Variants in HOMER2 observed in about 807,000 individuals in gnomAD.
HOMER2 encodes the protein homer protein homolog 2.
HOMER2 carries 27 observed loss-of-function variants against 47.0 expected under a neutral mutation model. The ratio of observed to expected loss-of-function variants is 0.57; its 90% confidence interval spans 0.42 to 0.79. HOMER2 has a LOEUF of 0.79. Among genes scored for constraint, HOMER2 ranks in the 30% least tolerant of loss-of-function variants. The pLI is 0.00. For synonymous variants in HOMER2, 161 were observed against 163.8 expected, an observed-to-expected ratio of 0.98 and a Z score of 0.13; for missense variants, 443 against 435.0, an observed-to-expected ratio of 1.02 and a Z score of -0.16.
At chr15:82,844,722 T>C (rs1263320221), downstream of HOMER2, 2 of 152,196 alleles carry the variant, frequency 1.3e-5, no homozygotes, top group Non-Finnish European at 2.9e-5. Flanking sequence ...AAAACAGTAC[T>C]CTTGGGAGAG....
At chr15:82,934,677 C>G (rs2054101076) in intron 1 of HOMER2, among the ~76,000 whole-genome samples, 1 of 152,174 alleles carries the variant, frequency 6.6e-6, no homozygotes, top group South Asian at 2.1e-4. Flanking sequence ...CCTGGCCGAA[C>G]CCCAGCCTGA....
chr15:82,929,264 C>A (rs2053942208), intron 1 of HOMER2, among the ~76,000 whole-genome samples: 1 of 152,110 alleles, frequency 6.6e-6, no homozygotes, highest in East Asian at 1.9e-4. Flanking sequence ...CTGAGAAACT[C>A]TGCTGAAACC....
At chr15:82,952,169 T>C in intron 1 of HOMER2, 2 of 464,918 alleles carry the variant, frequency 4.3e-6, no homozygotes, top group Non-Finnish European at 5.6e-6. Context: ...GACAAACTGC[T>C]TAGACTCACA....
chr15:82,972,327 C>T (rs771571554), intron 1 of HOMER2, among the ~76,000 whole-genome samples: 60 of 152,290 alleles, frequency 3.9e-4, no homozygotes, highest in Non-Finnish European at 7.6e-4. Context: ...GGGTGCCCTT[C>T]TGGCTAAGAA....
At chr15:82,970,678 G>A (rs1596388177) in intron 1 of HOMER2, among the ~76,000 whole-genome samples, 2 of 152,288 alleles carry the variant, frequency 1.3e-5, no homozygotes, top group African/African-American at 2.4e-5. Flanking sequence ...CAAACAAAAC[G>A]AAGTAGATTG....
At chr15:82,952,832 G>T, upstream of HOMER2, 1 of 466,720 alleles carries the variant, frequency 2.1e-6, no homozygotes, top group Non-Finnish European at 2.8e-6. Context: ...CCGCGGCAGC[G>T]AGCCAAGAGG....
chr15:82,983,834 C>T, intron 1 of HOMER2, among the ~76,000 whole-genome samples: 1 of 151,824 alleles, frequency 6.6e-6, no homozygotes, highest in South Asian at 2.1e-4. Flanking sequence ...TCAAGTGATC[C>T]GCCTGCCTCG....
At chr15:82,897,517 T>A (rs2052974065) in intron 1 of HOMER2, among the ~76,000 whole-genome samples, 1 of 152,148 alleles carries the variant, frequency 6.6e-6, no homozygotes, top group African/African-American at 2.4e-5. Context: ...TGGAATCCCC[T>A]CCTCTTGAGT....
chr15:82,850,906 C>G (rs1368967313), intron 8 of HOMER2, among the ~76,000 whole-genome samples: 2 of 152,250 alleles, frequency 1.3e-5, no homozygotes, highest in Non-Finnish European at 2.9e-5. Flanking sequence ...GTCGTCTACA[C>G]TGTGGTGATG....
intron 3 of HOMER2, among the ~76,000 whole-genome samples, chr15:82,868,126 T>C (rs934255036): frequency 6.6e-6 from 1 of 152,190 alleles, no homozygotes; most frequent in African/African-American, 2.4e-5. Context: ...GCTGCATGTA[T>C]GTCTTCTTTT....
intron 2 of HOMER2, among the ~76,000 whole-genome samples, chr15:82,878,997 T>G (rs2151077725): frequency 6.6e-6 from 1 of 152,336 alleles, no homozygotes; most frequent in East Asian, 1.9e-4. Flanking sequence ...TATTTGGGTA[T>G]TTTCTATTAA....
At chr15:82,858,351 G>A (rs1232077295) in intron 5 of HOMER2, among the ~76,000 whole-genome samples, 4 of 151,862 alleles carry the variant, frequency 2.6e-5, no homozygotes, top group Admixed American at 6.6e-5. Context: ...GTGTGGTGGT[G>A]CAATCTCAGC....
At chr15:82,956,059 G>A (rs1394468011), upstream of HOMER2, among the ~76,000 whole-genome samples, 1 of 151,938 alleles carries the variant, frequency 6.6e-6, no homozygotes, top group Non-Finnish European at 1.5e-5. Flanking sequence ...GGCCAACATG[G>A]CAAAACCCCA....
At chr15:82,908,134 G>C (rs1378194241) in intron 1 of HOMER2, among the ~76,000 whole-genome samples, 1 of 123,802 alleles carries the variant, frequency 8.1e-6, no homozygotes, top group Non-Finnish European at 1.9e-5. Flanking sequence ...ACTGCTAATG[G>C]ATTCTGACTT....
At chr15:82,914,891 A>G (rs1030827601) in intron 1 of HOMER2, among the ~76,000 whole-genome samples, 1 of 152,174 alleles carries the variant, frequency 6.6e-6, no homozygotes, top group Non-Finnish European at 1.5e-5. Context: ...GTGCATTTAG[A>G]GGACAGATGG....
chr15:82,965,068 G>C (rs1243558184), intron 1 of HOMER2, among the ~76,000 whole-genome samples: 1 of 152,086 alleles, frequency 6.6e-6, no homozygotes, highest in Non-Finnish European at 1.5e-5. Context: ...TGTCCAGGCT[G>C]GAGTGCAGTG....
intron 1 of HOMER2, among the ~76,000 whole-genome samples, chr15:82,911,961 C>G (rs921430617): frequency 6.6e-6 from 1 of 152,210 alleles, no homozygotes; most frequent in East Asian, 1.9e-4. Flanking sequence ...ACCCAGGAGG[C>G]GGAGGTTGCA....
At chr15:82,945,918 C>T (rs988842381) in intron 1 of HOMER2, among the ~76,000 whole-genome samples, 3 of 151,578 alleles carry the variant, frequency 2.0e-5, no homozygotes, top group Non-Finnish European at 4.4e-5. Context: ...TGCAGTGAGC[C>T]GAAATCGCAC....
chr15:82,948,440 A>G (rs2054430680), intron 1 of HOMER2, among the ~76,000 whole-genome samples: 1 of 151,618 alleles, frequency 6.6e-6, no homozygotes, highest in South Asian at 2.1e-4. Context: ...GCACATGCCT[A>G]TAATACCAGC....
Sources: gnomAD v4.1 joint callset for allele counts (sites outside exome capture counted in the v4.1 genomes callset) on GRCh38, gnomAD v4.1.1 for gene constraint, MANE v1.5 for transcripts, NCBI Gene and HGNC (gene_info 2026-07-23, HGNC 2026-07-21) for gene names.